Variants in FARS2 observed in about 807,000 individuals in gnomAD.
FARS2 encodes phenylalanine--tRNA ligase, mitochondrial.
A neutral mutation model predicts 46.4 loss-of-function variants in FARS2; 40 were observed. The ratio of observed to expected loss-of-function variants is 0.86; its 90% CI spans 0.67 to 1.12. FARS2 has a LOEUF of 1.12. Ranked by LOEUF, FARS2 falls within the 50% of genes most tolerant of loss-of-function variation. The pLI is 0.00. For missense variants in FARS2, 513 were observed against 567.9 expected (o/e 0.90, Z 0.98); for synonymous variants, 234 against 214.9 (o/e 1.09, Z -0.78).
At chr6:5,340,424 C>G (rs1771473821) in intron 1 of FARS2, among the ~76,000 whole-genome samples, 1 of 152,138 alleles carries the variant, frequency 6.6e-6, no homozygotes, top group Non-Finnish European at 1.5e-5. Context: ...AAGGTTAATC[C>G]TACTGTGTTT....
chr6:5,328,779 A>T (rs184092853), intron 1 of FARS2, among the ~76,000 whole-genome samples: 3 of 152,270 alleles, frequency 2.0e-5, no homozygotes, highest in African/African-American at 4.8e-5. Flanking sequence ...CCTTAAAAAT[A>T]AAAGAAAAAA....
At chr6:5,701,185 G>A (rs1758411362) in intron 6 of FARS2, among the ~76,000 whole-genome samples, 1 of 152,260 alleles carries the variant, frequency 6.6e-6, no homozygotes, top group South Asian at 2.1e-4. Context: ...GGGAGGCACA[G>A]GATCCGCTAA....
chr6:5,756,071 C>T (rs577982465), intron 6 of FARS2, among the ~76,000 whole-genome samples: 40 of 152,296 alleles, frequency 2.6e-4, no homozygotes, highest in Non-Finnish European at 2.2e-4. Context: ...ATACCCACAC[C>T]GGGCAGGAAT....
intron 4 of FARS2, among the ~76,000 whole-genome samples, chr6:5,466,345 C>G (rs1281506912): frequency 6.6e-6 from 1 of 152,102 alleles, no homozygotes; most frequent in Non-Finnish European, 1.5e-5. Context: ...CTCTGTGTAC[C>G]TCTCTCCGGT....
At chr6:5,373,645 AGT>A (rs772811395) in intron 2 of FARS2, among the ~76,000 whole-genome samples, 6 of 152,100 alleles carry the variant, frequency 3.9e-5, no homozygotes, top group Non-Finnish European at 8.8e-5. Context: ...TTTGTTGAAC[AGT>A]GTGTGTGGAT....
At chr6:5,564,444 G>A (rs185081008) in intron 5 of FARS2, among the ~76,000 whole-genome samples, 163 of 152,034 alleles carry the variant, frequency 1.1e-3, no homozygotes, top group African/African-American at 3.6e-3. Context: ...TCCAAGCTGC[G>A]GAAGATCACC....
intron 6 of FARS2, among the ~76,000 whole-genome samples, chr6:5,631,244 A>G (rs1183768532): frequency 6.6e-6 from 1 of 152,216 alleles, no homozygotes; most frequent in African/African-American, 2.4e-5. Context: ...CTATGCATTG[A>G]ACATCTTAGT....
chr6:5,525,650 A>G (rs180876341), intron 4 of FARS2, among the ~76,000 whole-genome samples: 2 of 152,380 alleles, frequency 1.3e-5, no homozygotes, highest in Non-Finnish European at 2.9e-5. Flanking sequence ...TTTAAAAATA[A>G]GGAGGAAAAA....
intron 3 of FARS2, among the ~76,000 whole-genome samples, 191 bp downstream of exon 3, chr6:5,404,892 C>T (rs1299140452): frequency 2.6e-5 from 4 of 151,486 alleles, no homozygotes; most frequent in African/African-American, 4.9e-5. Flanking sequence ...CTCCACCTCC[C>T]GGGTTCAAGG....
chr6:5,729,187 G>A (rs1225104014), intron 6 of FARS2, among the ~76,000 whole-genome samples: 4 of 152,200 alleles, frequency 2.6e-5, no homozygotes, highest in Non-Finnish European at 5.9e-5. Context: ...AAAGAGCCAG[G>A]CCCTGGGCAG....
In FARS2 at chr6:5,525,135, G is replaced by A. The variant is rs73719629; in HGVS notation, c.905-20045G>A. ...TCCTGGAAAAGAAATGGCTGCCGAC[G>A]TACAGCCTCTGCTTCCCATCTCTGC... On this transcript the variant is annotated intron_variant, in intron 4 of 6. Transcript: ENST00000274680. 1.6e-3 allele frequency among the ~76,000 whole-genome samples: 236 copies of A among 151,968 alleles called. 1 individual carries two copies. Among genetic ancestry groups the A allele is most frequent in the African/African-American group, 5.5e-3 (228 of 41,432 alleles).
intron 4 of FARS2, among the ~76,000 whole-genome samples, chr6:5,472,954 A>G (rs1765886827): frequency 1.3e-5 from 2 of 152,322 alleles, no homozygotes; most frequent in East Asian, 3.9e-4. Flanking sequence ...ATAAAGAAAA[A>G]GTGTGTTAAT....
At chr6:5,606,875 G>A (rs1481903013) in intron 5 of FARS2, among the ~76,000 whole-genome samples, 1 of 152,072 alleles carries the variant, frequency 6.6e-6, no homozygotes, top group East Asian at 1.9e-4. Context: ...TTTTAAAGGG[G>A]CTATTAGTAA....
intron 4 of FARS2, among the ~76,000 whole-genome samples, chr6:5,457,257 C>T (rs1195433476): frequency 6.6e-6 from 1 of 151,830 alleles, no homozygotes; most frequent in Non-Finnish European, 1.5e-5. Flanking sequence ...CCACCTCCCA[C>T]CCCTATGGTC....
At chr6:5,757,540 C>T (rs1762271109) in intron 6 of FARS2, among the ~76,000 whole-genome samples, 1 of 152,190 alleles carries the variant, frequency 6.6e-6, no homozygotes, top group Admixed American at 6.5e-5. Context: ...TAAGATTATT[C>T]CCTCAAGTTT....
intron 1 of FARS2, among the ~76,000 whole-genome samples, chr6:5,318,787 G>A (rs896096228): frequency 6.6e-6 from 1 of 152,166 alleles, no homozygotes; most frequent in Non-Finnish European, 1.5e-5. Flanking sequence ...GGAAGAGTAG[G>A]TCCGCAACCA....
chr6:5,260,222 C>T (rs1764946680), upstream of FARS2, among the ~76,000 whole-genome samples: 1 of 152,188 alleles, frequency 6.6e-6, no homozygotes, highest in Non-Finnish European at 1.5e-5. Flanking sequence ...GTGCCTTCAG[C>T]TTTGTCGCAG....
At chr6:5,518,726 A>G (rs1768960205) in intron 4 of FARS2, among the ~76,000 whole-genome samples, 1 of 152,234 alleles carries the variant, frequency 6.6e-6, no homozygotes, top group African/African-American at 2.4e-5. Context: ...GAGTGTTGGC[A>G]TCATGCAAGA....
intron 1 of FARS2, among the ~76,000 whole-genome samples, chr6:5,298,633 T>C (rs74294885): frequency 6.6e-6 from 1 of 152,136 alleles, no homozygotes; most frequent in Non-Finnish European, 1.5e-5. Flanking sequence ...GTGTAACACA[T>C]TTGATGTGGG....
Sources: allele counts gnomAD v4.1 joint callset (sites outside exome capture counted in the v4.1 genomes callset), GRCh38; gene constraint gnomAD v4.1.1; transcripts MANE v1.5; gene names NCBI Gene and HGNC (gene_info 2026-07-23, HGNC 2026-07-21).